GCC2: variants seen among roughly 807,000 people sequenced by gnomAD.
The protein encoded by GCC2 is GRIP and coiled-coil domain containing 2, also known as GRIP and coiled-coil domain-containing protein 2.
GCC2 carries 120 observed loss-of-function variants against 210.6 expected under a neutral mutation model. The observed-to-expected ratio is 0.57, with a 90% CI of 0.49 to 0.66. GCC2 has a LOEUF of 0.66. Among genes scored for constraint, GCC2 ranks in the 30% least tolerant of loss-of-function variants. The pLI is 0.00. For synonymous variants in GCC2, 703 were observed against 652.7 expected (o/e 1.08, Z -1.17); for missense variants, 1,868 against 1,871.9 (o/e 1.00, Z 0.04).
intron 22 of GCC2, among the ~76,000 whole-genome samples, chr2:108,504,832 C>A (rs1009924728): frequency 2.0e-5 from 3 of 152,100 alleles, no homozygotes; most frequent in South Asian, 2.1e-4. Context: ...GTACACCATA[C>A]ATACACAGAG....
At position 108,471,146 on chromosome 2, in the gene GCC2, C is replaced by G. The variant is rs767246456; in HGVS notation, c.1817C>G (p.Ser606Cys). The G allele has an allele frequency of 6.3e-7, 1 of 1,588,652 alleles. No individual in the cohort carries two copies. Among genetic ancestry groups the G allele is most frequent in the Admixed American group, 1.7e-5 (1 of 58,098 alleles). Residue 606 changes from serine (S) to cysteine (C), a missense_variant, in exon 6 of 23, where the codon TCC (serine) becomes TGC (cysteine). Physicochemically the swap from Ser to Cys is moderately radical, Grantham distance 112. Around this residue, in one of 3 missense-constraint regions of GCC2, gnomAD observed 1,847 missense variants for 1,765.2 expected, o/e 1.05. Coordinates refer to ENST00000309863, the MANE Select transcript of GCC2 (RefSeq NM_181453.4). ...GATTTTATAAATAAACTGAAAAATTCCCATGAAGAAATGGATAATTTCCAT... is the reference window on the plus strand; with the variant it reads ...GATTTTATAAATAAACTGAAAAATTGCCATGAAGAAATGGATAATTTCCAT... The part of the protein sequence containing the change: ...KDDFINKLKN[S>C]HEEMDNFHKK...
chr2:108,472,974 A>T, intron 7 of GCC2, 75 bp downstream of exon 7: 1 of 818,746 alleles, frequency 1.2e-6, no homozygotes, highest in Non-Finnish European at 2.0e-6. Flanking sequence ...ATTGGGAAAT[A>T]TAGTAGCCAA....
At chr2:108,485,965 C>A in intron 15 of GCC2, 57 bp downstream of exon 15, 3 of 769,804 alleles carry the variant, frequency 3.9e-6, no homozygotes, top group South Asian at 1.8e-5. Context: ...AAGTGAGGTA[C>A]CATTTAGAGA....
intron 4 of GCC2, among the ~76,000 whole-genome samples, chr2:108,468,635 CAT>C (rs1491119272): frequency 6.6e-6 from 1 of 152,222 alleles, no homozygotes; most frequent in Non-Finnish European, 1.5e-5. Context: ...GAGCCCCACA[CAT>C]GACACCTCCC....
chr2:108,490,038 G>A (rs754964148), intron 18 of GCC2, 24 bp downstream of exon 18: 5 of 1,541,022 alleles, frequency 3.2e-6, no homozygotes, highest in Admixed American at 4.0e-5. Flanking sequence ...CAGCACTAAC[G>A]CTGTACCAGA....
At chr2:108,489,157 T>G (rs978987131) in intron 17 of GCC2, among the ~76,000 whole-genome samples, 38 of 152,228 alleles carry the variant, frequency 2.5e-4, no homozygotes, top group Non-Finnish European at 8.8e-5. Flanking sequence ...GACCTGCTCT[T>G]CTTCAGGGAT....
chr2:108,486,615 G>A lies in GCC2; in HGVS notation c.3897G>A (p.Val1299=), dbSNP rs1682154945. 1.2e-6 allele frequency: 2 copies of A among 1,613,980 alleles called. No homozygotes were observed. The highest frequency in any genetic ancestry group is 1.7e-6 in the Non-Finnish European group (2 of 1,179,946). Residue 1299 remains valine, a synonymous_variant, in exon 16 of 23, where the codon GTG becomes GTA. Transcript: ENST00000309863. The stretch of plus-strand genomic sequence containing the variant: ...CGCTAAGTGCATACCAGCAGAGAGT[G>A]ACAGCACTACAGGAAGAGTGCCGTG... The part of the protein sequence containing the change: ...QRTLSAYQQR[V]TALQEECRAA...
intron 4 of GCC2, among the ~76,000 whole-genome samples, chr2:108,460,429 GTTCC>G (rs1222864639): frequency 2.6e-5 from 4 of 151,984 alleles, no homozygotes; most frequent in African/African-American, 9.7e-5. Flanking sequence ...TATATTCTTT[GTTCC>G]TTTCTCTTAT....
At chr2:108,468,255 A>G (rs1347833113) in intron 4 of GCC2, among the ~76,000 whole-genome samples, 2 of 151,910 alleles carry the variant, frequency 1.3e-5, no homozygotes, top group South Asian at 2.1e-4. Context: ...TAGTAGAGAC[A>G]GAGTTTCACC....
intron 22 of GCC2, among the ~76,000 whole-genome samples, chr2:108,505,380 A>G (rs529973963): frequency 1.3e-5 from 2 of 152,222 alleles, no homozygotes; most frequent in Non-Finnish European, 2.9e-5. Flanking sequence ...TGTGGAAGAC[A>G]GACTTCTCAG....
Position 108,471,626 on chromosome 2 carries a change from T to C in GCC2, c.2297T>C (p.Met766Thr), listed in dbSNP as rs1681225062. 6.2e-7 allele frequency: 1 copy of C among 1,613,570 alleles called. No homozygotes were observed. The highest frequency in any genetic ancestry group is 1.3e-5 in the African/African-American group (1 of 75,008). ...KTQLYGFLKE[M>T]GSEVSEDSEE... ...CAGTTGTATGGTTTTCTTAAAGAAA[T>C]GGGATCAGAAGTTTCAGAAGACAGT... is the stretch of plus-strand genomic sequence containing the variant. The change falls in exon 6 of 23, where the codon ATG becomes ACG. Residue 766 changes from methionine to threonine, a missense_variant. Met to Thr is a moderately conservative substitution (Grantham distance 81). Around this residue, in one of 3 missense-constraint regions of GCC2, gnomAD observed 1,847 missense variants for 1,765.2 expected, o/e 1.05. Transcript: ENST00000309863.
chr2:108,449,872 GA>G (rs1679826021), intron 2 of GCC2, 183 bp downstream of exon 2: 1 of 588,784 alleles, frequency 1.7e-6, no homozygotes, highest in Non-Finnish European at 3.0e-6. Context: ...CCCCGATATA[GA>G]AAGACTTTTT....
chr2:108,487,133 ACTTAACCACC>A (rs1248281126), intron 16 of GCC2, among the ~76,000 whole-genome samples: 7 of 152,210 alleles, frequency 4.6e-5, no homozygotes, highest in Non-Finnish European at 1.0e-4. Flanking sequence ...AGAACTTAAC[ACTTAACCACC>A]CTGTTTTGAA....
At chr2:108,475,974 CTTTA>C (rs1485412866) in intron 9 of GCC2, 124 bp downstream of exon 9, 6 of 502,492 alleles carry the variant, frequency 1.2e-5, no homozygotes, top group African/African-American at 4.2e-5. Flanking sequence ...TTTAGTAAAT[CTTTA>C]TTCTGTTTTG....
At position 108,471,881 on chromosome 2, in the gene GCC2, A is replaced by G; in HGVS notation, c.2552A>G (p.Gln851Arg). The G allele has an allele frequency of 6.2e-7, 1 of 1,608,932 alleles. No homozygotes were observed. ...TTAAGGAAAGAGTTAGAAGAAATACAGTCAGAAAAAGAGGCCCTGCAGTCT... is the reference window on the plus strand; with the variant it reads ...TTAAGGAAAGAGTTAGAAGAAATACGGTCAGAAAAAGAGGCCCTGCAGTCT... ...VLLRKELEEI[Q>R]SEKEALQSDL... is the part of the protein sequence containing the mutation. Residue 851 changes from glutamine to arginine, a missense_variant, in exon 6 of 23, where the codon CAG becomes CGG. Gln to Arg is a conservative substitution (Grantham distance 43). Coordinates refer to ENST00000309863, the MANE Select transcript of GCC2 (RefSeq NM_181453.4).
rs1218060426 is a variant in GCC2 at position 108,507,816 on chromosome 2, G to GT, written c.*188dup. The GT allele has an allele frequency of 8.0e-6, 4 of 500,602 alleles. No individual in the cohort carries two copies. Among genetic ancestry groups the GT allele is most frequent in the African/African-American group, 7.9e-5 (4 of 50,692 alleles). The allele number at this position is 500,602 out of a possible 1,614,324, so 31.0% of individuals were successfully genotyped here. A position where few individuals can be genotyped will look rare whatever the true frequency, so the allele number is the denominator to read the frequency against. On this transcript the variant is annotated 3_prime_UTR_variant, in exon 23 of 23. Coordinates refer to ENST00000309863, the MANE Select transcript of GCC2 (RefSeq NM_181453.4). The stretch of plus-strand genomic sequence containing the variant: ...AAGTAAAAGTACAACAGCTTGAAGT[G>GT]TTGATAGCAGGCCACAGCCCTCTAA...
At chr2:108,468,589 G>C (rs1292214742) in intron 4 of GCC2, among the ~76,000 whole-genome samples, 1 of 152,040 alleles carries the variant, frequency 6.6e-6, no homozygotes. Flanking sequence ...TCTCTGACTG[G>C]TCCCTATTCA....
At chr2:108,475,960 AT>A in intron 9 of GCC2, 110 bp downstream of exon 9, 1 of 563,556 alleles carries the variant, frequency 1.8e-6, no homozygotes, top group Non-Finnish European at 3.1e-6. Flanking sequence ...ATCACCTTGT[AT>A]TTTTTAGTAA....
chr2:108,479,142 G>A (rs538567630), intron 9 of GCC2, among the ~76,000 whole-genome samples: 2 of 151,832 alleles, frequency 1.3e-5, no homozygotes, highest in South Asian at 4.2e-4. Flanking sequence ...CCAGACTAGC[G>A]ACAGAGCGAG....
Sources: allele counts gnomAD v4.1 joint callset (sites outside exome capture counted in the v4.1 genomes callset), GRCh38; gene constraint gnomAD v4.1.1; regional missense constraint gnomAD v4.1.1; transcripts MANE v1.5; gene names NCBI Gene and HGNC (gene_info 2026-07-23, HGNC 2026-07-21).